The following NPAS3 variants were observed in gnomAD, a reference collection of about 807,000 sequenced individuals.
NPAS3 encodes neuronal PAS domain-containing protein 3.
NPAS3 carries 14 observed loss-of-function variants against 73.1 expected under a neutral mutation model. The observed-to-expected ratio is 0.19, with a 90% CI of 0.13 to 0.30. The LOEUF is 0.30. Among genes scored for constraint, NPAS3 ranks in the 10% least tolerant of loss-of-function variants. NPAS3 has a pLI of 1.00. For missense variants in NPAS3, 1,096 were observed against 1,250.0 expected, an observed-to-expected ratio of 0.88 and a Z score of 1.86; for synonymous variants, 620 against 541.5, an observed-to-expected ratio of 1.14 and a Z score of -2.01.
intron 1 of NPAS3, among the ~76,000 whole-genome samples, chr14:32,961,409 CAAAA>C (rs555007306): frequency 1.7e-5 from 1 of 57,306 alleles, no homozygotes; most frequent in African/African-American, 6.4e-5. Flanking sequence ...GACTTCATCT[CAAAA>C]AAAAAAAAAA....
intron 5 of NPAS3, among the ~76,000 whole-genome samples, chr14:33,625,324 C>T (rs1358490930): frequency 2.0e-5 from 3 of 152,350 alleles, no homozygotes; most frequent in Admixed American, 1.3e-4. Flanking sequence ...ACAGAGACCA[C>T]TTTTCCAGTT....
chr14:33,210,707 G>A (rs2046998524), intron 2 of NPAS3, among the ~76,000 whole-genome samples: 1 of 151,876 alleles, frequency 6.6e-6, no homozygotes, highest in East Asian at 1.9e-4. Flanking sequence ...TACTCATTTT[G>A]TAATATAAAC....
At chr14:33,490,717 G>A (rs973635863) in intron 4 of NPAS3, among the ~76,000 whole-genome samples, 2 of 152,256 alleles carry the variant, frequency 1.3e-5, no homozygotes, top group Middle Eastern at 3.4e-3. Flanking sequence ...CAGTCATTCC[G>A]TCACCCTGCA....
intron 6 of NPAS3, among the ~76,000 whole-genome samples, chr14:33,684,438 A>C (rs2383523): frequency 0.73 from 110,226 of 151,904 alleles, 40,318 homozygotes; most frequent in East Asian, 0.96. Flanking sequence ...CAGCCTTCCA[A>C]GTAGCTGGGA....
At chr14:33,245,251 C>G (rs1055073578) in intron 3 of NPAS3, among the ~76,000 whole-genome samples, 1 of 152,124 alleles carries the variant, frequency 6.6e-6, no homozygotes, top group Non-Finnish European at 1.5e-5. Context: ...GATGATCAAC[C>G]TCATTGGAGA....
rs10567527 is a variant in NPAS3 at position 33,789,583 on chromosome 14, C to CTTTT, written c.1154-4294_1154-4291dup. ...ACTAAAAGTAATTACTAGAGTACAA[C>CTTTT]TTTTTTTTTTTTTTTTTTTTTTTGA... On this transcript the variant is annotated intron_variant, in intron 9 of 11. Coordinates refer to ENST00000356141, the Ensembl canonical transcript of NPAS3. Among the ~76,000 whole-genome samples, 35 of 92,402 alleles carry CTTTT rather than the reference C, an allele frequency of 3.8e-4. 6 individuals are homozygous for CTTTT. The highest frequency in any genetic ancestry group is 6.1e-4 in the African/African-American group (14 of 23,078). 60.6% of individuals were successfully genotyped at this position (92,402 alleles called of 152,430 possible).
At chr14:32,936,763 A>G (rs1176599992), upstream of NPAS3, among the ~76,000 whole-genome samples, 3 of 152,076 alleles carry the variant, frequency 2.0e-5, no homozygotes, top group Non-Finnish European at 4.4e-5. Flanking sequence ...CCTTTACCAT[A>G]AAGATCACCT....
intron 2 of NPAS3, among the ~76,000 whole-genome samples, chr14:33,079,336 T>TTTTTTTTTTTTTA (rs2041781665): frequency 6.7e-6 from 1 of 149,940 alleles, no homozygotes; most frequent in Non-Finnish European, 1.5e-5. Flanking sequence ...TTTTTTTTTT[T>TTTTTTTTTTTTTA]GAGACAGAGT....
At chr14:33,672,266 G>A (rs1785843980) in intron 5 of NPAS3, among the ~76,000 whole-genome samples, 1 of 152,116 alleles carries the variant, frequency 6.6e-6, no homozygotes, top group Non-Finnish European at 1.5e-5. Flanking sequence ...GATAGATTAT[G>A]ATGCTATATT....
At chr14:33,323,865 G>T (rs150677087) in intron 3 of NPAS3, among the ~76,000 whole-genome samples, 1 of 152,184 alleles carries the variant, frequency 6.6e-6, no homozygotes, top group Non-Finnish European at 1.5e-5. Context: ...CTCAAGACAG[G>T]CAGGTAGCCT....
chr14:33,510,774 T>G (rs1308480716), intron 4 of NPAS3, among the ~76,000 whole-genome samples: 1 of 152,108 alleles, frequency 6.6e-6, no homozygotes, highest in Admixed American at 6.5e-5. Context: ...TGAATGTGGA[T>G]GCATGGTGTA....
At chr14:33,055,867 T>A in intron 1 of NPAS3, 38 bp from the exon 2 acceptor site, 1 of 776,158 alleles carries the variant, frequency 1.3e-6, no homozygotes, top group Non-Finnish European at 2.3e-6. Flanking sequence ...CTGTAGAGAA[T>A]CTCTAGTCAT....
chr14:33,597,800 T>C (rs1226700449), intron 5 of NPAS3, among the ~76,000 whole-genome samples: 2 of 152,228 alleles, frequency 1.3e-5, no homozygotes, highest in Admixed American at 6.5e-5. Context: ...TTTTAAAGGG[T>C]AAATTCATTA....
At chr14:33,310,291 T>C (rs2042947467) in intron 3 of NPAS3, among the ~76,000 whole-genome samples, 1 of 146,588 alleles carries the variant, frequency 6.8e-6, no homozygotes, top group African/African-American at 2.5e-5. Context: ...AACTGTAAAA[T>C]GCATAGCATC....
intron 4 of NPAS3, among the ~76,000 whole-genome samples, chr14:33,557,838 G>A (rs894090752): frequency 6.6e-5 from 10 of 152,288 alleles, no homozygotes; most frequent in Admixed American, 4.6e-4. Context: ...GCGTGGTGGC[G>A]GGTGCCCGTA....
chr14:33,566,176 A>G (rs939697401), intron 5 of NPAS3, among the ~76,000 whole-genome samples: 5 of 152,144 alleles, frequency 3.3e-5, no homozygotes, highest in East Asian at 1.9e-4. Context: ...GTGAAGGCCT[A>G]CAAGGGCACT....
chr14:33,542,671 G>A (rs1465287078), intron 4 of NPAS3, among the ~76,000 whole-genome samples: 1 of 152,180 alleles, frequency 6.6e-6, no homozygotes, highest in African/African-American at 2.4e-5. Flanking sequence ...AAAATCAAAT[G>A]TCCATGGCTT....
chr14:33,421,553 T>A (rs1036256883), intron 4 of NPAS3, among the ~76,000 whole-genome samples: 8 of 151,706 alleles, frequency 5.3e-5, no homozygotes, highest in African/African-American at 1.9e-4. Flanking sequence ...GAAGCTTTTT[T>A]TTTTGTATGT....
chr14:33,797,831 G>A lies in NPAS3; in HGVS notation c.1426+250G>A, dbSNP rs2063557903. 3.3e-5 allele frequency among the ~76,000 whole-genome samples: 5 copies of A among 150,714 alleles called. No individual in the cohort carries two copies. In the South Asian group the frequency reaches 1.1e-3, roughly 32 times the overall value. ...CAATACATATAGATATGTAGTGCTG[G>A]ATAAATACATCTGTGTGTGTGTATA... On this transcript the variant is annotated intron_variant, in intron 11 of 11. Transcript: ENST00000356141.
Sources: allele counts gnomAD v4.1 joint callset (sites outside exome capture counted in the v4.1 genomes callset), GRCh38; gene constraint gnomAD v4.1.1; transcripts MANE v1.5; gene names NCBI Gene and HGNC (gene_info 2026-07-23, HGNC 2026-07-21).